QTMAN: variants seen among roughly 807,000 people sequenced by gnomAD.
QTMAN encodes the protein queuosine-tRNA mannosyltransferase, also known as tRNA-queuosine alpha-mannosyltransferase.
chr2:144,169,546 A>C, the QTMAN span, among the ~76,000 whole-genome samples: 1 of 152,070 alleles, frequency 6.6e-6, no homozygotes, highest in South Asian at 2.1e-4. Flanking sequence ...TTATTAGACA[A>C]TGAGAGGCTT....
chr2:144,182,002 T>C, the QTMAN span, among the ~76,000 whole-genome samples: 1 of 152,008 alleles, frequency 6.6e-6, no homozygotes, highest in Non-Finnish European at 1.5e-5. Flanking sequence ...AGATCTCCCA[T>C]GGCAGATAAG....
chr2:144,011,831 A>T, the QTMAN span: 1 of 635,800 alleles, frequency 1.6e-6, no homozygotes, highest in Non-Finnish European at 2.0e-6. Flanking sequence ...AGAAGAGAAA[A>T]GGTCCCGAGG....
chr2:144,143,527 G>GA, the QTMAN span, among the ~76,000 whole-genome samples: 1 of 151,866 alleles, frequency 6.6e-6, no homozygotes, highest in Non-Finnish European at 1.5e-5. Context: ...TGCATCCCTT[G>GA]AAAAAAACTG....
At chr2:144,056,050 T>C in the QTMAN span, among the ~76,000 whole-genome samples, 52 of 152,292 alleles carry the variant, frequency 3.4e-4, no homozygotes, top group Non-Finnish European at 6.3e-4. Context: ...TATTAGCTAA[T>C]ACATGTCAAG....
At chr2:144,188,185 G>T in the QTMAN span, among the ~76,000 whole-genome samples, 1 of 152,172 alleles carries the variant, frequency 6.6e-6, no homozygotes, top group African/African-American at 2.4e-5. Context: ...TCAAATCAGT[G>T]CAAGAAGAGA....
At chr2:144,177,018 G>C in the QTMAN span, 1 of 629,196 alleles carries the variant, frequency 1.6e-6, no homozygotes, top group South Asian at 1.8e-5. Flanking sequence ...AAGAGAGAGA[G>C]TGGTGGGAGG....
chr2:144,022,307 T>C, the QTMAN span, among the ~76,000 whole-genome samples: 5 of 151,822 alleles, frequency 3.3e-5, no homozygotes, highest in Non-Finnish European at 5.9e-5. Context: ...TGTATATATA[T>C]ATGATGGGGT....
the QTMAN span, among the ~76,000 whole-genome samples, chr2:143,974,182 T>C: frequency 6.6e-6 from 1 of 152,242 alleles, no homozygotes. Context: ...CCCAATTTGC[T>C]ACAACCATAT....
chr2:144,089,484 T>G, the QTMAN span, among the ~76,000 whole-genome samples: 9 of 151,970 alleles, frequency 5.9e-5, no homozygotes, highest in African/African-American at 2.2e-4. Flanking sequence ...AAGCAATAAC[T>G]GTACTGGCAG....
chr2:144,167,865 A>G, the QTMAN span, among the ~76,000 whole-genome samples: 1 of 152,130 alleles, frequency 6.6e-6, no homozygotes, highest in Non-Finnish European at 1.5e-5. Flanking sequence ...TATGTTAGAG[A>G]TAAGTCATGC....
chr2:143,966,801 G>A, the QTMAN span, among the ~76,000 whole-genome samples: 1 of 152,202 alleles, frequency 6.6e-6, no homozygotes, highest in African/African-American at 2.4e-5. Flanking sequence ...ACAATCAACA[G>A]TATAGAGACT....
At chr2:144,280,484 G>T in the QTMAN span, among the ~76,000 whole-genome samples, 1 of 152,048 alleles carries the variant, frequency 6.6e-6, no homozygotes, top group African/African-American at 2.4e-5. Context: ...GGGTTTTTTT[G>T]TTGTAATTCG....
chr2:144,204,186 A>T, the QTMAN span, among the ~76,000 whole-genome samples: 5 of 152,366 alleles, frequency 3.3e-5, no homozygotes, highest in African/African-American at 1.2e-4. Context: ...CAGCAAAAGA[A>T]ATCACCATCA....
At chr2:144,276,502 A>AT in the QTMAN span, among the ~76,000 whole-genome samples, 1 of 152,088 alleles carries the variant, frequency 6.6e-6, no homozygotes, top group Non-Finnish European at 1.5e-5. Flanking sequence ...TATATTTGAG[A>AT]TTTTGTCAGT....
At chr2:144,267,610 C>G in the QTMAN span, among the ~76,000 whole-genome samples, 19 of 152,084 alleles carry the variant, frequency 1.2e-4, no homozygotes, top group Non-Finnish European at 1.9e-4. Context: ...AAGAGAAAAG[C>G]ACATTTAATA....
At chr2:144,072,860 T>G in the QTMAN span, among the ~76,000 whole-genome samples, 1 of 152,208 alleles carries the variant, frequency 6.6e-6, no homozygotes, top group African/African-American at 2.4e-5. Flanking sequence ...GAGCATAGAC[T>G]ACACTTACAC....
the QTMAN span, among the ~76,000 whole-genome samples, chr2:144,101,266 G>A: frequency 6.6e-6 from 1 of 152,042 alleles, no homozygotes; most frequent in Non-Finnish European, 1.5e-5. Flanking sequence ...CAAATCAGGT[G>A]AAATGTGACA....
chr2:144,308,743 T>C, the QTMAN span, among the ~76,000 whole-genome samples: 1 of 151,924 alleles, frequency 6.6e-6, no homozygotes, highest in Non-Finnish European at 1.5e-5. Flanking sequence ...AGAGCGAGAC[T>C]TCATTTCAAA....
chr2:144,133,132 T>TA, the QTMAN span, among the ~76,000 whole-genome samples: 3 of 40,442 alleles, frequency 7.4e-5, no homozygotes, highest in African/African-American at 2.6e-4. Context: ...TATATATATA[T>TA]ATATATATAT....
Sources: gnomAD v4.1 joint callset for allele counts (sites outside exome capture counted in the v4.1 genomes callset) on GRCh38, gnomAD v4.1.1 for gene constraint, MANE v1.5 for transcripts, NCBI Gene and HGNC (gene_info 2026-07-23, HGNC 2026-07-21) for gene names.